Variants in WDR33 observed in about 807,000 individuals in gnomAD.
The protein encoded by WDR33 is WD repeat domain 33.
Under a neutral mutation model 164.9 loss-of-function variants are expected in WDR33, and 47 were observed. That is an observed-to-expected ratio of 0.29 (90% CI 0.23 to 0.36). The LOEUF (loss-of-function observed/expected upper bound fraction) is 0.36, where lower values mean the gene tolerates loss of function less well. WDR33 is among the 10% of genes least tolerant of loss of function. The pLI, the probability that WDR33 is intolerant of heterozygous loss-of-function variation, is 1.00. For synonymous variants in WDR33, 505 were observed against 589.0 expected (o/e 0.86, Z 2.06); for missense variants, 1,137 against 1,754.1 (o/e 0.65, Z 6.28).
At chr2:127,742,393 G>A (rs1340171268) in intron 7 of WDR33, among the ~76,000 whole-genome samples, 1 of 151,696 alleles carries the variant, frequency 6.6e-6, no homozygotes. Flanking sequence ...TATGCATGGT[G>A]GCTCACACCT....
chr2:127,793,476 C>T, intron 1 of WDR33, among the ~76,000 whole-genome samples: 1 of 152,082 alleles, frequency 6.6e-6, no homozygotes, highest in East Asian at 1.9e-4. Context: ...CAAGGTGGGT[C>T]AAGCCTGTAA....
At chr2:127,773,780 T>C (rs185999918) in intron 1 of WDR33, among the ~76,000 whole-genome samples, 2 of 152,316 alleles carry the variant, frequency 1.3e-5, no homozygotes, top group East Asian at 1.9e-4. Flanking sequence ...ATTTTTTTAT[T>C]TGAGATGGGG....
intron 1 of WDR33, among the ~76,000 whole-genome samples, chr2:127,800,796 A>T (rs890829152): frequency 1.3e-5 from 2 of 152,250 alleles, no homozygotes; most frequent in Non-Finnish European, 2.9e-5. Context: ...TGTATATGAA[A>T]CTGAAACTTT....
chr2:127,773,961 G>C (rs562791634), intron 1 of WDR33, among the ~76,000 whole-genome samples: 1 of 150,340 alleles, frequency 6.7e-6, no homozygotes, highest in Admixed American at 6.6e-5. Context: ...GGCTGGTCTT[G>C]AACTCCTGAG....
At chr2:127,762,634 AG>A (rs1192199238) in intron 7 of WDR33, 1 of 988,652 alleles carries the variant, frequency 1.0e-6, no homozygotes, top group Non-Finnish European at 1.2e-6. Context: ...TTTCAAAAAT[AG>A]TAACACTAAG....
chr2:127,788,125 C>T (rs1688667767), intron 1 of WDR33, among the ~76,000 whole-genome samples: 2 of 96,060 alleles, frequency 2.1e-5, no homozygotes, highest in Non-Finnish European at 4.2e-5. Flanking sequence ...AGGGGCTCCT[C>T]ACTTCCCAGT....
chr2:127,754,332 A>G (rs1687456446), intron 7 of WDR33, among the ~76,000 whole-genome samples: 1 of 152,184 alleles, frequency 6.6e-6, no homozygotes, highest in Non-Finnish European at 1.5e-5. Context: ...TGCTTTCTAT[A>G]ACTTCCCTGA....
At chr2:127,752,596 CAAAAAAAAAAAAA>C (rs34369142) in intron 7 of WDR33, among the ~76,000 whole-genome samples, 1 of 76,596 alleles carries the variant, frequency 1.3e-5, no homozygotes, top group South Asian at 4.7e-4. Context: ...GACTCCGTCT[CAAAAAAAAAAAAA>C]AAAAAAAAAA....
At chr2:127,743,631 C>T (rs1196152567) in intron 7 of WDR33, among the ~76,000 whole-genome samples, 2 of 152,124 alleles carry the variant, frequency 1.3e-5, no homozygotes, top group African/African-American at 2.4e-5. Context: ...GGAAGACAAA[C>T]GGCAGAAGTG....
Position 127,701,513 on chromosome 2 carries a change from C to T in WDR33, c.*4810G>A. The stretch of plus-strand genomic sequence containing the variant: ...GTGAGCCGCAGCTTTTCCTTTCTGC[C>T]ACCGCCTTGTCCAAGATGGCGGACC... On this transcript the variant is annotated 3_prime_UTR_variant, in exon 22 of 22. Coordinates refer to ENST00000322313, the MANE Select transcript of WDR33 (RefSeq NM_018383.5). 1 of 1,294,424 alleles carries T rather than the reference C, an allele frequency of 7.7e-7. No homozygotes were observed. Among genetic ancestry groups the T allele is most frequent in the Non-Finnish European group, 9.8e-7 (1 of 1,017,378 alleles). The allele number at this position is 1,294,424 out of a possible 1,614,324, so 80.2% of individuals were successfully genotyped here.
intron 18 of WDR33, among the ~76,000 whole-genome samples, chr2:127,711,781 T>TATA (rs1491108798): frequency 3.2e-5 from 3 of 94,012 alleles, no homozygotes; most frequent in South Asian, 4.8e-4. Context: ...TATATATATA[T>TATA]TTTTTTTTTG....
rs74328360 is a variant in WDR33 at position 127,748,859 on chromosome 2, C to G, written c.724+14203G>C. 1.8e-3 allele frequency among the ~76,000 whole-genome samples: 252 copies of G among 137,980 alleles called. 3 individuals are homozygous for G. Among genetic ancestry groups the G allele is most frequent in the Admixed American group, 0.013 (174 of 13,172 alleles). The allele number at this position is 137,980 out of a possible 152,430, so 90.5% of individuals were successfully genotyped here. Reference sequence around the variant, plus strand: ...TCCTGGGCTCAAGTGATCCTCCTAACAGGGCCTCCTAGGTAGCTGAAACTT... The same window carrying G: ...TCCTGGGCTCAAGTGATCCTCCTAAGAGGGCCTCCTAGGTAGCTGAAACTT... On this transcript the variant is annotated intron_variant, in intron 7 of 21. Coordinates refer to ENST00000322313, the MANE Select transcript of WDR33 (RefSeq NM_018383.5).
At chr2:127,753,765 T>TA (rs1687439372) in intron 7 of WDR33, among the ~76,000 whole-genome samples, 1 of 152,040 alleles carries the variant, frequency 6.6e-6, no homozygotes, top group African/African-American at 2.4e-5. Flanking sequence ...ATCTATTTTT[T>TA]AAAAAAGAAT....
In WDR33 at chr2:127,765,285, A is replaced by T; in HGVS notation, c.379-16T>A. On this transcript the variant is annotated splice_polypyrimidine_tract_variant and intron_variant, in intron 4 of 21. Transcript: ENST00000322313. ...CTGGAGTCCACTAAGGGAGAAAAAA[A>T]GACAGGTTATACATCCTCCAACTTC... 1 of 1,602,576 alleles carries T rather than the reference A, an allele frequency of 6.2e-7. No individual in the cohort carries two copies. Among genetic ancestry groups the T allele is most frequent in the Non-Finnish European group, 8.5e-7 (1 of 1,171,198 alleles).
In WDR33 at chr2:127,710,284, C is replaced by T. The variant is rs763797909; in HGVS notation, c.3309-428G>A. Among the ~76,000 whole-genome samples, 8 of 152,236 alleles carry T rather than the reference C, an allele frequency of 5.3e-5. No homozygotes were observed. Among genetic ancestry groups the T allele is most frequent in the Admixed American group, 2.0e-4 (3 of 15,280 alleles). On this transcript the variant is annotated intron_variant, in intron 18 of 21. Transcript: ENST00000322313. This position sits in a 1 kb window ranked among gnomAD's most constrained non-coding sequence, Gnocchi z 4.4. ...CCAGTCTTGACCCTCGGCCCAGGTT[C>T]TGTATCACTGCCTCACAAATACTTA...
chr2:127,729,571 A>G (rs542365300), intron 7 of WDR33, among the ~76,000 whole-genome samples: 1 of 150,962 alleles, frequency 6.6e-6, no homozygotes, highest in African/African-American at 2.4e-5. Flanking sequence ...GGCTCACTGC[A>G]ACCAACCTCC....
chr2:127,796,599 TACTC>T (rs758654509), intron 1 of WDR33, among the ~76,000 whole-genome samples: 17 of 151,928 alleles, frequency 1.1e-4, no homozygotes, highest in Non-Finnish European at 1.5e-4. Context: ...TACATACACA[TACTC>T]TCTCTCTCTC....
Position 127,709,799 on chromosome 2 carries a change from A to C in WDR33, c.3366T>G (p.Asp1122Glu). The C allele has an allele frequency of 6.2e-7, 1 of 1,614,140 alleles. No individual in the cohort carries two copies. The highest frequency in any genetic ancestry group is 8.5e-7 in the Non-Finnish European group (1 of 1,180,040). ...HEGRAPPRGR[D>E]GFPGPEDFGP... is the part of the protein sequence containing the mutation. ...CAAAGTCTTCAGGACCAGGAAAACC[A>C]TCCCTTCCTCTGGGGGGAGCACGGC... The change falls in exon 19 of 22, where the codon GAT (aspartate) becomes GAG (glutamate). Residue 1122 changes from aspartate to glutamate, a missense_variant. Coordinates refer to ENST00000322313, the MANE Select transcript of WDR33 (RefSeq NM_018383.5). This position sits in a 1 kb window ranked among gnomAD's most constrained non-coding sequence, Gnocchi z 5.0.
intron 7 of WDR33, among the ~76,000 whole-genome samples, chr2:127,750,689 T>A (rs1411565007): frequency 4.7e-5 from 3 of 63,324 alleles, no homozygotes; most frequent in East Asian, 3.9e-4. Context: ...TATATATATA[T>A]ATATATATAT....
Sources: gnomAD v4.1 joint callset for allele counts (sites outside exome capture counted in the v4.1 genomes callset) on GRCh38, gnomAD v4.1.1 for gene constraint, Gnocchi (gnomAD v3.1) non-coding constraint, MANE v1.5 for transcripts, NCBI Gene and HGNC (gene_info 2026-07-23, HGNC 2026-07-21) for gene names.